The following SPATA6 variants were observed in gnomAD, a reference collection of about 807,000 sequenced individuals.
The protein encoded by SPATA6 is spermatogenesis associated 6.
A neutral mutation model predicts 65.3 loss-of-function variants in SPATA6; 56 were observed. The observed-to-expected ratio is 0.86, with a 90% CI of 0.69 to 1.07. SPATA6 has a LOEUF of 1.07. Ranked by LOEUF, SPATA6 falls within the 50% of genes least tolerant of loss-of-function variation. The pLI is 0.00. For missense variants in SPATA6, 590 were observed against 594.8 expected (o/e 0.99, Z 0.08); for synonymous variants, 199 against 213.2 (o/e 0.93, Z 0.58).
chr1:48,329,831 A>G (rs1291631543), intron 11 of SPATA6, among the ~76,000 whole-genome samples: 1 of 152,172 alleles, frequency 6.6e-6, no homozygotes, highest in African/African-American at 2.4e-5. Context: ...CCCCAGGGGA[A>G]TTTACACTCT....
the SPATA6 span, among the ~76,000 whole-genome samples, chr1:48,266,751 T>C: frequency 4.6e-5 from 7 of 152,200 alleles, no homozygotes; most frequent in Non-Finnish European, 1.0e-4. Context: ...GGAAGTGAAA[T>C]TATTTTGACT....
At chr1:48,355,604 A>G in intron 11 of SPATA6, 66 bp downstream of exon 11, 1 of 1,114,960 alleles carries the variant, frequency 9.0e-7, no homozygotes, top group Non-Finnish European at 1.3e-6. Flanking sequence ...TGTAAGCTTT[A>G]GGCATCTTTG....
intron 12 of SPATA6, among the ~76,000 whole-genome samples, chr1:48,304,789 C>T (rs887865781): frequency 6.6e-6 from 1 of 152,176 alleles, no homozygotes; most frequent in Non-Finnish European, 1.5e-5. Flanking sequence ...CAGTTCTTCT[C>T]ACTTCTTGCC....
the SPATA6 span, among the ~76,000 whole-genome samples, chr1:48,283,418 C>T: frequency 1.3e-5 from 2 of 151,312 alleles, no homozygotes; most frequent in Non-Finnish European, 1.5e-5. Context: ...CAGTGGCTCA[C>T]ACCTGTAATC....
the SPATA6 span, among the ~76,000 whole-genome samples, chr1:48,276,303 A>C: frequency 6.6e-6 from 1 of 151,912 alleles, no homozygotes; most frequent in Non-Finnish European, 1.5e-5. Flanking sequence ...GGAGTCATTC[A>C]TTTTTTTGAA....
At chr1:48,359,792 TATAG>T in intron 9 of SPATA6, 22 bp from the exon 10 acceptor site, 1 of 1,545,504 alleles carries the variant, frequency 6.5e-7, no homozygotes, top group Non-Finnish European at 8.8e-7. Flanking sequence ...ATTATATACA[TATAG>T]ATATACAAAT....
chr1:48,428,647 A>C (rs1654068354), intron 3 of SPATA6, among the ~76,000 whole-genome samples: 1 of 152,092 alleles, frequency 6.6e-6, no homozygotes, highest in Non-Finnish European at 1.5e-5. Context: ...CTTCACATTG[A>C]GCAGGCTGAG....
At chr1:48,368,227 C>G (rs535203444) in intron 9 of SPATA6, among the ~76,000 whole-genome samples, 1 of 152,268 alleles carries the variant, frequency 6.6e-6, no homozygotes, top group Admixed American at 6.5e-5. Flanking sequence ...GTGCCCTTAA[C>G]ATTTTGCCTT....
chr1:48,282,554 C>T, the SPATA6 span, among the ~76,000 whole-genome samples: 1 of 152,146 alleles, frequency 6.6e-6, no homozygotes, highest in Non-Finnish European at 1.5e-5. Flanking sequence ...CAAAAGAAGA[C>T]ATTTATGCAG....
At chr1:48,436,676 T>G (rs1654969555) in intron 3 of SPATA6, 40 of 1,614,082 alleles carry the variant, frequency 2.5e-5, no homozygotes, top group Non-Finnish European at 3.0e-5. Context: ...AGTCCAGAAC[T>G]ACTGAGACAG....
At chr1:48,393,609 C>T (rs762602780) in intron 8 of SPATA6, among the ~76,000 whole-genome samples, 13 of 152,012 alleles carry the variant, frequency 8.6e-5, no homozygotes, top group Admixed American at 1.3e-4. Flanking sequence ...AATTAACTGG[C>T]GTTAATCACA....
At chr1:48,465,433 G>A (rs1657741720) in intron 1 of SPATA6, among the ~76,000 whole-genome samples, 3 of 152,022 alleles carry the variant, frequency 2.0e-5, no homozygotes, top group Admixed American at 2.0e-4. Flanking sequence ...CGGATACCCT[G>A]AGACTCAATA....
chr1:48,367,329 G>A (rs141273169), intron 9 of SPATA6, among the ~76,000 whole-genome samples: 2,724 of 152,254 alleles, frequency 0.018, 30 homozygotes, highest in Non-Finnish European at 0.027. Context: ...GTGCAGAGCT[G>A]AGTTCAATTC....
At chr1:48,435,867 C>T (rs1208271042) in intron 3 of SPATA6, 5 of 1,262,558 alleles carry the variant, frequency 4.0e-6, no homozygotes, top group Non-Finnish European at 5.7e-6. Context: ...ATGGTCGCTG[C>T]TAGGTAGGAT....
intron 9 of SPATA6, among the ~76,000 whole-genome samples, chr1:48,368,756 C>T (rs1379330804): frequency 4.6e-5 from 7 of 152,132 alleles, no homozygotes; most frequent in Non-Finnish European, 8.8e-5. Context: ...TCCTGTAGCT[C>T]GGAGTAGTTT....
intron 10 of SPATA6, among the ~76,000 whole-genome samples, 163 bp from the exon 11 acceptor site, chr1:48,355,932 A>G (rs1646647525): frequency 6.6e-6 from 1 of 152,166 alleles, no homozygotes. Flanking sequence ...TGATTTCCAC[A>G]CAGTTATTTG....
intron 11 of SPATA6, among the ~76,000 whole-genome samples, chr1:48,340,256 A>T (rs1646176077): frequency 6.7e-6 from 1 of 148,686 alleles, no homozygotes; most frequent in Admixed American, 6.7e-5. Flanking sequence ...AAAAAAAAAA[A>T]AAAAAAAAAA....
At chr1:48,271,669 A>T in the SPATA6 span, among the ~76,000 whole-genome samples, 1 of 152,164 alleles carries the variant, frequency 6.6e-6, no homozygotes, top group Non-Finnish European at 1.5e-5. Flanking sequence ...TGCACTAGGG[A>T]TGCAGATTTA....
chr1:48,466,688 T>C (rs995708175), intron 1 of SPATA6, among the ~76,000 whole-genome samples: 4 of 151,982 alleles, frequency 2.6e-5, no homozygotes, highest in Non-Finnish European at 5.9e-5. Context: ...AACTATTTTA[T>C]AGTTAAAATT....
Sources: gnomAD v4.1 joint callset for allele counts (sites outside exome capture counted in the v4.1 genomes callset) on GRCh38, gnomAD v4.1.1 for gene constraint, MANE v1.5 for transcripts, NCBI Gene and HGNC (gene_info 2026-07-23, HGNC 2026-07-21) for gene names.